TECTA: variants seen among roughly 807,000 people sequenced by gnomAD.
TECTA encodes the protein alpha-tectorin.
In TECTA, 128 loss-of-function variants were observed where a neutral mutation model predicts 216.8. That is an observed-to-expected ratio of 0.59 (90% CI 0.51 to 0.68). TECTA has a LOEUF of 0.68. Among genes scored for constraint, TECTA ranks in the 30% least tolerant of loss-of-function variants. The probability of loss-of-function intolerance (pLI) is 0.00; values close to 1 mark genes in which losing one functional copy is unlikely to be tolerated. For synonymous variants in TECTA, 1,089 were observed against 1,117.1 expected (o/e 0.97, Z 0.50); for missense variants, 2,551 against 2,786.2 (o/e 0.92, Z 1.90).
At position 121,189,124 on chromosome 11, in the gene TECTA, G is replaced by T. The variant is rs1397361884; in HGVS notation, c.6207G>T (p.Glu2069Asp). ...NSRIATDYTK[E>D]PKEQIISVGP... ...GGATTGCCACAGATTACACAAAAGA[G>T]CCCAAAGAACAGATCATTTCAGTGG... Residue 2069 changes from glutamate (E) to aspartate (D), a missense_variant, in exon 22 of 24, where the codon GAG (glutamate) becomes GAT (aspartate). This residue lies in a region of TECTA where 118 missense variants were observed against 116.4 expected (regional missense o/e 1.01). Coordinates refer to ENST00000392793, the MANE Select transcript of TECTA (RefSeq NM_005422.4). 1.9e-6 allele frequency: 3 copies of T among 1,614,158 alleles called. No individual in the cohort carries two copies. The highest frequency in any genetic ancestry group is 1.7e-5 in the Admixed American group (1 of 60,024).
chr11:121,160,545 A>C (rs529189700), intron 15 of TECTA, 124 bp downstream of exon 15: 33 of 1,379,648 alleles, frequency 2.4e-5, no homozygotes, highest in Non-Finnish European at 3.2e-5. Flanking sequence ...AGACGAGCCA[A>C]AGCTCTTTGG....
chr11:121,190,987 G>T lies in TECTA; in HGVS notation c.*181G>T. 1.8e-6 allele frequency: 1 copy of T among 554,666 alleles called. No homozygotes were observed. Among genetic ancestry groups the T allele is most frequent in the Non-Finnish European group, 3.2e-6 (1 of 307,996 alleles). The allele number at this position is 554,666 out of a possible 1,614,324, so 34.4% of individuals were successfully genotyped here. A position where few individuals can be genotyped will look rare whatever the true frequency, so the allele number is the denominator to read the frequency against. ...CGACCATCCAAGCTCCTCTTTCAGAGTATGAAACGGGGCTTCTACAAGCCA... is the reference window on the plus strand; with the variant it reads ...CGACCATCCAAGCTCCTCTTTCAGATTATGAAACGGGGCTTCTACAAGCCA... On this transcript the variant is annotated 3_prime_UTR_variant, in exon 24 of 24. Coordinates refer to ENST00000392793, the MANE Select transcript of TECTA (RefSeq NM_005422.4).
At chr11:121,172,069 C>A (rs1947117803) in intron 20 of TECTA, among the ~76,000 whole-genome samples, 1 of 152,056 alleles carries the variant, frequency 6.6e-6, no homozygotes, top group Non-Finnish European at 1.5e-5. Flanking sequence ...GAGACATGTT[C>A]CTTCTGTGCC....
intron 7 of TECTA, among the ~76,000 whole-genome samples, chr11:121,122,674 A>AAG (rs1189091480): frequency 2.0e-5 from 2 of 100,348 alleles, no homozygotes; most frequent in Non-Finnish European, 2.1e-5. Context: ...TGTCTCTCCA[A>AAG]AAAAAAAAAA....
Position 121,105,554 on chromosome 11 carries a change from G to A in TECTA, c.65-277G>A, listed in dbSNP as rs527727453. On this transcript the variant is annotated intron_variant, in intron 2 of 23. Coordinates refer to ENST00000392793, the MANE Select transcript of TECTA (RefSeq NM_005422.4). This position sits in a 1 kb window ranked among gnomAD's most constrained non-coding sequence, Gnocchi z 5.3. The stretch of plus-strand genomic sequence containing the variant: ...AAATTTCACAAATTTCCAGCCAGCT[G>A]TAGCCATAGATATCACCAAGATGCA... 2.0e-5 allele frequency among the ~76,000 whole-genome samples: 3 copies of A among 152,242 alleles called. No homozygotes were observed. Among genetic ancestry groups the A allele is most frequent in the Non-Finnish European group, 4.4e-5 (3 of 68,044 alleles).
chr11:121,155,665 T>C (rs1433279602), intron 13 of TECTA, among the ~76,000 whole-genome samples: 2 of 152,182 alleles, frequency 1.3e-5, no homozygotes, highest in African/African-American at 4.8e-5. Flanking sequence ...GACAGAAGCA[T>C]AGGCCTTTTT....
At chr11:121,108,125 A>C (rs1784281) in intron 3 of TECTA, among the ~76,000 whole-genome samples, 58,728 of 151,982 alleles carry the variant, frequency 0.39, 11,386 homozygotes, top group Middle Eastern at 0.43. Flanking sequence ...AATAGGAAGC[A>C]AGCCCTAACA....
In TECTA at chr11:121,127,605, A is replaced by C; in HGVS notation, c.1775-147A>C. On this transcript the variant is annotated intron_variant, in intron 8 of 23. Transcript: ENST00000392793. This position sits in a 1 kb window ranked among gnomAD's most constrained non-coding sequence, Gnocchi z 5.0. Reference sequence around the variant, plus strand: ...AGAGTCATTGAGCTGGGTTTTACAGATACAACCTCAATTCTGTCTTCCCCG... The same window carrying C: ...AGAGTCATTGAGCTGGGTTTTACAGCTACAACCTCAATTCTGTCTTCCCCG... 1 of 856,470 alleles carries C rather than the reference A, an allele frequency of 1.2e-6. No homozygotes were observed. Among genetic ancestry groups the C allele is most frequent in the Admixed American group, 1.9e-5 (1 of 52,484 alleles). 53.1% of individuals were successfully genotyped at this position (856,470 alleles called of 1,614,324 possible).
intron 6 of TECTA, among the ~76,000 whole-genome samples, chr11:121,117,786 G>A (rs1245201051): frequency 6.6e-6 from 1 of 152,208 alleles, no homozygotes; most frequent in African/African-American, 2.4e-5. Flanking sequence ...GGGAGTTTGG[G>A]ATTTATACTC....
intron 10 of TECTA, among the ~76,000 whole-genome samples, chr11:121,134,725 CT>C (rs1328374899): frequency 6.6e-6 from 1 of 152,178 alleles, no homozygotes; most frequent in East Asian, 1.9e-4. Context: ...CAAATCTGTT[CT>C]GTTGCCAGGC....
At chr11:121,117,866 T>G (rs972028811) in intron 6 of TECTA, among the ~76,000 whole-genome samples, 3 of 152,224 alleles carry the variant, frequency 2.0e-5, no homozygotes, top group African/African-American at 7.2e-5. Context: ...AAATGTCTGT[T>G]GAATGAATGA....
chr11:121,190,288 G>A (rs1044475855), intron 23 of TECTA, among the ~76,000 whole-genome samples: 4 of 152,006 alleles, frequency 2.6e-5, no homozygotes, highest in African/African-American at 9.7e-5. Context: ...TTTTTGAGAT[G>A]GAGTCTCGCT....
chr11:121,126,408 T>C (rs1009962491), intron 8 of TECTA, among the ~76,000 whole-genome samples: 2 of 152,238 alleles, frequency 1.3e-5, no homozygotes, highest in Non-Finnish European at 2.9e-5. Context: ...TTAGGAGTGG[T>C]TAGGAAAAGC....
Position 121,130,064 on chromosome 11 carries a change from G to A in TECTA, c.2794G>A (p.Val932Ile), listed in dbSNP as rs200340759. The change falls in exon 10 of 24, where the codon GTC becomes ATC. Residue 932 changes from valine to isoleucine, a missense_variant. Val to Ile is a conservative substitution (Grantham distance 29). Around this residue, in one of 3 missense-constraint regions of TECTA, gnomAD observed 2,375 missense variants for 2,563.9 expected, o/e 0.93. Transcript: ENST00000392793. ...CCTGGAGTGCCATGGGGTGGTGAACGTCACTGCCTATTACCGCACCTGCCT... is the reference window on the plus strand; with the variant it reads ...CCTGGAGTGCCATGGGGTGGTGAACATCACTGCCTATTACCGCACCTGCCT... ...SFLECHGVVN[V>I]TAYYRTCLFR... is the part of the protein sequence containing the mutation. The A allele has an allele frequency of 2.5e-6, 4 of 1,614,098 alleles. No individual in the cohort carries two copies. Among genetic ancestry groups the A allele is most frequent in the East Asian group, 2.2e-5 (1 of 44,876 alleles).
chr11:121,143,116 G>A (rs1946799907), intron 11 of TECTA, among the ~76,000 whole-genome samples: 1 of 152,100 alleles, frequency 6.6e-6, no homozygotes, highest in African/African-American at 2.4e-5. Context: ...AATTCTCTTA[G>A]TAAGATTGCT....
rs767426110 is a variant in TECTA, at chr11:121,125,670, C to T, written c.1572C>T (p.Cys524=). The T allele has an allele frequency of 1.2e-5, 19 of 1,610,288 alleles. No individual in the cohort carries two copies. The highest frequency in any genetic ancestry group is 4.5e-5 in the East Asian group (2 of 44,792). ...TEALYFGSDY[C]GFLNKTDGPL... Reference sequence around the variant, plus strand: ...CCCTCTACTTTGGCTCTGACTACTGCGGCTTCCTCAACAAGACAGACGGCC... The same window carrying T: ...CCCTCTACTTTGGCTCTGACTACTGTGGCTTCCTCAACAAGACAGACGGCC... Residue 524 remains cysteine (C), a synonymous_variant, in exon 8 of 24, where the codon TGC becomes TGT. Coordinates refer to ENST00000392793, the MANE Select transcript of TECTA (RefSeq NM_005422.4).
chr11:121,160,769 T>G (rs1946991019), intron 15 of TECTA, among the ~76,000 whole-genome samples: 1 of 152,198 alleles, frequency 6.6e-6, no homozygotes, highest in Non-Finnish European at 1.5e-5. Context: ...AAGAGGTGAC[T>G]GAGAAGAAGA....
At chr11:121,175,178 G>A (rs1157257668) in intron 20 of TECTA, among the ~76,000 whole-genome samples, 2 of 151,426 alleles carry the variant, frequency 1.3e-5, no homozygotes, top group Non-Finnish European at 2.9e-5. Flanking sequence ...GGGTTTTTTT[G>A]TGTCTGTATT....
chr11:121,186,272 C>T (rs1357031981), intron 20 of TECTA, among the ~76,000 whole-genome samples: 1 of 152,228 alleles, frequency 6.6e-6, no homozygotes, highest in African/African-American at 2.4e-5. Context: ...AGGGCAGAGA[C>T]AGCAGCAACT....
Sources: allele counts gnomAD v4.1 joint callset (sites outside exome capture counted in the v4.1 genomes callset), GRCh38; gene constraint gnomAD v4.1.1; regional missense constraint gnomAD v4.1.1; non-coding constraint Gnocchi (gnomAD v3.1); transcripts MANE v1.5; gene names NCBI Gene and HGNC (gene_info 2026-07-23, HGNC 2026-07-21).